MKLN1: variants seen among roughly 807,000 people sequenced by gnomAD.
MKLN1 encodes muskelin 1.
A neutral mutation model predicts 99.0 loss-of-function variants in MKLN1; 18 were observed. The observed-to-expected ratio is 0.18, with a 90% CI of 0.13 to 0.27. The LOEUF (loss-of-function observed/expected upper bound fraction) is 0.27. MKLN1 is among the 10% of genes least tolerant of loss of function. The pLI is 1.00. For missense variants in MKLN1, 621 were observed against 875.9 expected (o/e 0.71, Z 3.67); for synonymous variants, 288 against 293.2 (o/e 0.98, Z 0.18).
intron 3 of MKLN1, among the ~76,000 whole-genome samples, chr7:131,258,287 G>C (rs1037445554): frequency 1.3e-5 from 2 of 152,098 alleles, no homozygotes; most frequent in Non-Finnish European, 2.9e-5. Flanking sequence ...ATTGGAAAGA[G>C]TGGGTAGAGA....
At position 131,361,843 on chromosome 7, in the gene MKLN1, AT is replaced by A. The variant is rs141303293; in HGVS notation, c.99-13578del. On this transcript the variant is annotated intron_variant, in intron 1 of 17. Coordinates refer to ENST00000352689, the MANE Select transcript of MKLN1 (RefSeq NM_013255.5). ...TCTTTTCTACATTGTTGCACCACAC[AT>A]TTATATTCTGTTATGTATGACATTC... Among the ~76,000 whole-genome samples, 755 of 151,294 alleles carry A rather than the reference AT, an allele frequency of 5.0e-3. 5 individuals carry two copies. The highest frequency in any genetic ancestry group is 0.015 in the Admixed American group (233 of 15,198).
intron 17 of MKLN1, among the ~76,000 whole-genome samples, chr7:131,483,063 C>G (rs1797169830): frequency 6.6e-6 from 1 of 152,160 alleles, no homozygotes; most frequent in South Asian, 2.1e-4. Context: ...TACCAGTTTC[C>G]ACTGCTCAAA....
chr7:131,144,088 A>G (rs1026241451), intron 2 of MKLN1, among the ~76,000 whole-genome samples: 2 of 152,208 alleles, frequency 1.3e-5, no homozygotes, highest in Admixed American at 1.3e-4. Flanking sequence ...TTATGAGGGC[A>G]GGCAATTTTT....
At chr7:131,272,789 C>T (rs754255625) in intron 3 of MKLN1, among the ~76,000 whole-genome samples, 1 of 152,164 alleles carries the variant, frequency 6.6e-6, no homozygotes, top group African/African-American at 2.4e-5. Flanking sequence ...TCTTGTGAGA[C>T]TTATTCACTA....
chr7:131,396,380 A>T (rs1396929574), intron 4 of MKLN1, among the ~76,000 whole-genome samples: 1 of 152,046 alleles, frequency 6.6e-6, no homozygotes, highest in Non-Finnish European at 1.5e-5. Flanking sequence ...GCTCTCTTGA[A>T]TTTTTTTAGG....
At chr7:131,129,354 C>T (rs993168627) in intron 1 of MKLN1, among the ~76,000 whole-genome samples, 1 of 152,136 alleles carries the variant, frequency 6.6e-6, no homozygotes, top group Non-Finnish European at 1.5e-5. Flanking sequence ...ACAGCAATTT[C>T]ACCTTTAAGA....
intron 2 of MKLN1, among the ~76,000 whole-genome samples, chr7:131,196,655 G>A (rs542879809): frequency 2.0e-5 from 3 of 152,124 alleles, no homozygotes; most frequent in Admixed American, 2.0e-4. Flanking sequence ...TTGCTAAATA[G>A]CTTGTAATTA....
intron 1 of MKLN1, among the ~76,000 whole-genome samples, chr7:131,134,593 G>T (rs1227801238): frequency 6.6e-6 from 1 of 151,992 alleles, no homozygotes; most frequent in Non-Finnish European, 1.5e-5. Flanking sequence ...CTTTAGCTTC[G>T]TCAGTGTCAT....
intron 14 of MKLN1, among the ~76,000 whole-genome samples, chr7:131,465,400 T>C (rs1796629899): frequency 6.6e-6 from 1 of 152,236 alleles, no homozygotes; most frequent in Non-Finnish European, 1.5e-5. Context: ...AATTGATTAA[T>C]GTAATAGTGA....
chr7:131,113,667 C>CAAAAAAA (rs71168363), intron 1 of MKLN1, among the ~76,000 whole-genome samples: 2 of 96,460 alleles, frequency 2.1e-5, no homozygotes, highest in Admixed American at 1.1e-4. Context: ...TACAAAAATA[C>CAAAAAAA]AAAAAAAAAA....
At chr7:131,462,469 C>G (rs1172467954) in intron 12 of MKLN1, among the ~76,000 whole-genome samples, 1 of 152,178 alleles carries the variant, frequency 6.6e-6, no homozygotes, top group African/African-American at 2.4e-5. Flanking sequence ...TATTTAATCT[C>G]TACTATCAAA....
intron 3 of MKLN1, among the ~76,000 whole-genome samples, chr7:131,209,912 T>C (rs1188198903): frequency 6.6e-6 from 1 of 152,010 alleles, no homozygotes; most frequent in Non-Finnish European, 1.5e-5. Flanking sequence ...GACATGAGGA[T>C]TAAAGACCAA....
At chr7:131,158,356 C>T (rs1795998842) in intron 2 of MKLN1, among the ~76,000 whole-genome samples, 1 of 152,182 alleles carries the variant, frequency 6.6e-6, no homozygotes, top group Non-Finnish European at 1.5e-5. Context: ...ATCACTTGAA[C>T]CTGGGAGGCA....
chr7:131,431,314 A>C (rs1359784664), intron 9 of MKLN1, among the ~76,000 whole-genome samples: 3 of 152,184 alleles, frequency 2.0e-5, no homozygotes, highest in Non-Finnish European at 4.4e-5. Context: ...GGTTAGCTTC[A>C]GCCTTTGTTT....
At chr7:131,389,750 G>C (rs758022834) in intron 4 of MKLN1, among the ~76,000 whole-genome samples, 28 of 151,824 alleles carry the variant, frequency 1.8e-4, no homozygotes, top group Non-Finnish European at 2.8e-4. Context: ...TTAGCTGGGC[G>C]TGGTGGTAGG....
chr7:131,278,883 G>T (rs1798011431), intron 3 of MKLN1, among the ~76,000 whole-genome samples: 1 of 152,226 alleles, frequency 6.6e-6, no homozygotes, highest in Non-Finnish European at 1.5e-5. Context: ...ACAGGCCTGA[G>T]CCATTGTGCC....
chr7:131,294,016 A>C (rs10262320), intron 3 of MKLN1, among the ~76,000 whole-genome samples: 134,812 of 151,834 alleles, frequency 0.89, 59,898 homozygotes, highest in East Asian at 0.96. Flanking sequence ...CCAGTAGCAC[A>C]CCCAGTCATG....
chr7:131,423,347 T>A (rs1034826714), intron 8 of MKLN1, among the ~76,000 whole-genome samples: 7 of 152,188 alleles, frequency 4.6e-5, no homozygotes, highest in African/African-American at 9.7e-5. Context: ...TTATTTATTT[T>A]TTGAGATGGA....
rs183864866 is a variant in MKLN1 at position 131,163,426 on chromosome 7, A to G, written c.-297+20485A>G. On this transcript the variant is annotated intron_variant, in intron 2 of 7. Coordinates refer to the MKLN1 transcript ENST00000416992. The stretch of plus-strand genomic sequence containing the variant: ...CTTTCATTTCTACGATTCTATCACA[A>G]TTGACATTAGATTCACAGGTCAGCC... Among the ~76,000 whole-genome samples, 265 of 152,386 alleles carry G rather than the reference A, an allele frequency of 1.7e-3. 2 individuals are homozygous for G. Among genetic ancestry groups the G allele is most frequent in the African/African-American group, 5.9e-3 (244 of 41,590 alleles).
Sources: gnomAD v4.1 joint callset for allele counts (sites outside exome capture counted in the v4.1 genomes callset) on GRCh38, gnomAD v4.1.1 for gene constraint, MANE v1.5 for transcripts, NCBI Gene and HGNC (gene_info 2026-07-23, HGNC 2026-07-21) for gene names.